SPATA6L: variants seen among roughly 807,000 people sequenced by gnomAD.
The protein encoded by SPATA6L is spermatogenesis associated 6-like protein.
In SPATA6L, 68 loss-of-function variants were observed where a neutral mutation model predicts 49.2. The ratio of observed to expected loss-of-function variants is 1.38; its 90% CI spans 1.14 to 1.69. The LOEUF is 1.69. Ranked by LOEUF, SPATA6L falls within the 40% of genes most tolerant of loss-of-function variation. The pLI is 0.00. For missense variants in SPATA6L, 668 were observed against 464.3 expected, an observed-to-expected ratio of 1.44 and a Z score of -4.03; for synonymous variants, 198 against 165.7, an observed-to-expected ratio of 1.19 and a Z score of -1.50.
chr9:4,617,199 T>C (rs987262063), intron 9 of SPATA6L, among the ~76,000 whole-genome samples: 14 of 152,212 alleles, frequency 9.2e-5, no homozygotes, highest in African/African-American at 3.1e-4. Flanking sequence ...TTGCTTCTTA[T>C]TCTCGTCACT....
At chr9:4,638,793 T>TTC (rs1833403566) in intron 3 of SPATA6L, among the ~76,000 whole-genome samples, 3 of 112,620 alleles carry the variant, frequency 2.7e-5, no homozygotes, top group African/African-American at 1.5e-4. Flanking sequence ...TTCTTTTCTT[T>TTC]TTTTTTTTTG....
intron 6 of SPATA6L, 84 bp from the exon 7 acceptor site, chr9:4,622,594 C>G: frequency 1.1e-6 from 1 of 917,830 alleles, no homozygotes; most frequent in East Asian, 2.4e-5. Flanking sequence ...CTGTCTCCCC[C>G]TCAATCACTG....
intron 8 of SPATA6L, 83 bp from the exon 9 acceptor site, chr9:4,618,193 A>G: frequency 1.6e-6 from 2 of 1,228,394 alleles, no homozygotes; most frequent in Non-Finnish European, 1.2e-6. Context: ...TGGACAAGGA[A>G]GATAACTCGG....
chr9:4,637,130 T>C (rs73393848), intron 3 of SPATA6L, among the ~76,000 whole-genome samples: 1,619 of 152,322 alleles, frequency 0.011, 33 homozygotes, highest in African/African-American at 0.038. Context: ...TCCTAATTCA[T>C]TTATTGCCAC....
chr9:4,644,685 TCACACACACA>T (rs59433051), intron 3 of SPATA6L, among the ~76,000 whole-genome samples: 19 of 107,754 alleles, frequency 1.8e-4, no homozygotes, highest in East Asian at 1.6e-3. Flanking sequence ...TCTCTCTCTC[TCACACACACA>T]CACACACACA....
chr9:4,626,375 T>C (rs1377630293), intron 5 of SPATA6L: 9 of 1,288,426 alleles, frequency 7.0e-6, no homozygotes, highest in South Asian at 2.5e-5. Context: ...GCACCAGCAG[T>C]GAGCAGTGCC....
chr9:4,626,543 T>C (rs1830390133), intron 5 of SPATA6L: 1 of 1,304,060 alleles, frequency 7.7e-7, no homozygotes, highest in Admixed American at 2.3e-5. Flanking sequence ...ATCTTCCCTT[T>C]GTTTCCCCAG....
intron 3 of SPATA6L, among the ~76,000 whole-genome samples, chr9:4,641,454 T>G (rs547759418): frequency 2.6e-5 from 4 of 152,302 alleles, no homozygotes; most frequent in African/African-American, 9.6e-5. Flanking sequence ...CCTATGCACA[T>G]CCTCCTGTAT....
intron 11 of SPATA6L, among the ~76,000 whole-genome samples, chr9:4,601,589 C>T (rs1457242267): frequency 1.3e-5 from 2 of 152,160 alleles, no homozygotes; most frequent in African/African-American, 2.4e-5. Context: ...GAATCCCTGA[C>T]CTTTTTGTGG....
chr9:4,606,553 G>A lies in SPATA6L; in HGVS notation c.996-1113C>T, dbSNP rs371310159. On this transcript the variant is annotated intron_variant, in intron 9 of 11. Coordinates refer to ENST00000682582, the MANE Select transcript of SPATA6L (RefSeq NM_001353486.2). ...GCAGGGGCACACTGACACCTCACACGGCCGGGTACTCCAACAGACCTGCAG... is the reference window on the plus strand; with the variant it reads ...GCAGGGGCACACTGACACCTCACACAGCCGGGTACTCCAACAGACCTGCAG... Among the ~76,000 whole-genome samples the A allele has an allele frequency of 3.8e-4, 14 of 36,744 alleles. 4 individuals are homozygous for A. Among genetic ancestry groups the A allele is most frequent in the African/African-American group, 7.2e-4 (8 of 11,174 alleles). 24.1% of individuals were successfully genotyped at this position (36,744 alleles called of 152,430 possible). A position where few individuals can be genotyped will look rare whatever the true frequency, so the allele number is the denominator to read the frequency against.
At chr9:4,590,754 A>G (rs143676142) in intron 13 of SPATA6L, among the ~76,000 whole-genome samples, 2 of 152,284 alleles carry the variant, frequency 1.3e-5, no homozygotes, top group African/African-American at 4.8e-5. Context: ...TTATCAAAAA[A>G]TGGAGGGAGG....
intron 4 of SPATA6L, among the ~76,000 whole-genome samples, chr9:4,629,769 G>GTATGTATATATATATA (rs1831137092): frequency 9.8e-6 from 1 of 101,936 alleles, no homozygotes; most frequent in Non-Finnish European, 1.8e-5. Context: ...GTGTGTGTGT[G>GTATGTATATATATATA]TATATATATA....
At chr9:4,655,296 CAT>C (rs996001452) in intron 3 of SPATA6L, among the ~76,000 whole-genome samples, 8 of 152,156 alleles carry the variant, frequency 5.3e-5, no homozygotes, top group African/African-American at 1.4e-4. Flanking sequence ...CAAAGGAGCA[CAT>C]GTTGTATAAT....
In SPATA6L at chr9:4,605,508, G is replaced by A. The variant is rs138774717; in HGVS notation, c.996-68C>T. ...AAAAAGGACACTTAAAGCACATGACGGTATGGATTGATATTTAAAACTTAA... is the reference window on the plus strand; with the variant it reads ...AAAAAGGACACTTAAAGCACATGACAGTATGGATTGATATTTAAAACTTAA... On this transcript the variant is annotated intron_variant, in intron 9 of 11. Coordinates refer to ENST00000682582, the MANE Select transcript of SPATA6L (RefSeq NM_001353486.2). The A allele has an allele frequency of 3.2e-4, 333 of 1,033,098 alleles. 3 individuals are homozygous for A. In the East Asian group the frequency reaches 6.8e-3, roughly 21 times the overall value. The allele number at this position is 1,033,098 out of a possible 1,614,324, so 64.0% of individuals were successfully genotyped here.
intron 10 of SPATA6L, among the ~76,000 whole-genome samples, chr9:4,605,021 G>A (rs1564115963): frequency 6.6e-6 from 1 of 152,164 alleles, no homozygotes; most frequent in Non-Finnish European, 1.5e-5. Context: ...GGAAAGGAAT[G>A]CTCTGTGGGC....
At chr9:4,658,817 C>T (rs1342504527) in intron 2 of SPATA6L, among the ~76,000 whole-genome samples, 1 of 151,972 alleles carries the variant, frequency 6.6e-6, no homozygotes, top group Non-Finnish European at 1.5e-5. Context: ...CATGGTGAAA[C>T]CCTGTCTCTA....
chr9:4,666,448 G>C lies in SPATA6L; in HGVS notation c.-198C>G, dbSNP rs1036380012. 5.0e-6 allele frequency: 3 copies of C among 597,558 alleles called. No individual in the cohort carries two copies. The African/African-American group carries it at 5.6e-5, about 11-fold the overall frequency. 37.0% of individuals were successfully genotyped at this position (597,558 alleles called of 1,614,324 possible). On this transcript the variant is annotated 5_prime_UTR_variant, in exon 1 of 12. Transcript: ENST00000682582. The stretch of plus-strand genomic sequence containing the variant: ...CGGGTCTCTCACACTCGAAGCTGGA[G>C]TGCAGGCTTCCAGAAGGCGGAAGCG...
chr9:4,612,897 G>C (rs546097341), intron 9 of SPATA6L, among the ~76,000 whole-genome samples: 7 of 152,170 alleles, frequency 4.6e-5, no homozygotes, highest in Admixed American at 1.3e-4. Flanking sequence ...GATAATGAAA[G>C]GCACAGATAC....
At chr9:4,606,693 A>G (rs1290990568) in intron 9 of SPATA6L, among the ~76,000 whole-genome samples, 1 of 131,960 alleles carries the variant, frequency 7.6e-6, no homozygotes, top group Non-Finnish European at 1.6e-5. Context: ...AAAGATGGGG[A>G]AAAAACAGAA....
Sources: gnomAD v4.1 joint callset for allele counts (sites outside exome capture counted in the v4.1 genomes callset) on GRCh38, gnomAD v4.1.1 for gene constraint, MANE v1.5 for transcripts, NCBI Gene and HGNC (gene_info 2026-07-23, HGNC 2026-07-21) for gene names.